Variants in ITIH3 observed in about 807,000 individuals in gnomAD.
ITIH3 encodes inter-alpha-trypsin inhibitor heavy chain 3, also known as inter-alpha-trypsin inhibitor heavy chain H3.
A neutral mutation model predicts 96.5 loss-of-function variants in ITIH3; 81 were observed. The ratio of observed to expected loss-of-function variants is 0.84; its 90% CI spans 0.70 to 1.01. ITIH3 has a LOEUF of 1.01. Among genes scored for constraint, ITIH3 ranks in the 50% least tolerant of loss-of-function variants. The probability of loss-of-function intolerance (pLI) is 0.00; values close to 1 mark genes in which losing one functional copy is unlikely to be tolerated. For missense variants in ITIH3, 1,057 were observed against 1,139.3 expected (o/e 0.93, Z 1.04); for synonymous variants, 422 against 445.2 (o/e 0.95, Z 0.66).
chr3:52,796,829 G>A lies in ITIH3; in HGVS notation c.372G>A (p.Thr124=), dbSNP rs768688890. 53 of 1,607,376 alleles carry A rather than the reference G, an allele frequency of 3.3e-5. No individual in the cohort carries two copies. The highest frequency in any genetic ancestry group is 2.0e-4 in the East Asian group (9 of 44,818). ...QYEKAVSQGK[T]AGLVKASGRK... Reference sequence around the variant, plus strand: ...AAAAGGCTGTGTCCCAGGGCAAGACGGCCGGCTTGGTCAAGTAAGTATGGA... The same window carrying A: ...AAAAGGCTGTGTCCCAGGGCAAGACAGCCGGCTTGGTCAAGTAAGTATGGA... Residue 124 remains threonine (T), a synonymous_variant, in exon 4 of 22, where the codon ACG becomes ACA. Coordinates refer to ENST00000449956, the MANE Select transcript of ITIH3 (RefSeq NM_002217.4).
chr3:52,801,408 T>C (rs1029737679), intron 11 of ITIH3, among the ~76,000 whole-genome samples: 2 of 152,276 alleles, frequency 1.3e-5, no homozygotes, highest in East Asian at 3.8e-4. Flanking sequence ...ATTTTTGTAG[T>C]GTAAGTATGC....
Position 52,807,777 on chromosome 3 carries a change from G to T in ITIH3, c.2292G>T (p.Met764Ile). Residue 764 changes from methionine (M) to isoleucine (I), a missense_variant, in exon 20 of 22, where the codon ATG (methionine) becomes ATT (isoleucine). Coordinates refer to ENST00000449956, the MANE Select transcript of ITIH3 (RefSeq NM_002217.4). ...CCATGATGATCAACAGGAAGAACAT[G>T]GTGGTCTCCTTTGGAGATGGGGTTA... The part of the protein sequence containing the change: ...GLSMMINRKN[M>I]VVSFGDGVTF... 1.2e-6 allele frequency: 2 copies of T among 1,612,202 alleles called. No homozygotes were observed. Among genetic ancestry groups the T allele is most frequent in the Non-Finnish European group, 1.7e-6 (2 of 1,179,234 alleles).
rs1185596254 is a variant in ITIH3 at position 52,800,654 on chromosome 3, G to A, written c.1192G>A (p.Ala398Thr). The A allele has an allele frequency of 1.1e-5, 17 of 1,598,146 alleles. No individual in the cohort carries two copies. The highest frequency in any genetic ancestry group is 1.7e-4 in the Middle Eastern group (1 of 6,014). Residue 398 changes from alanine to threonine, a missense_variant, in exon 10 of 22, where the codon GCC becomes ACC. Transcript: ENST00000449956. ...SIVIMLTDGD[A>T]NVGESRPEKI... ...TGTCATCATGCTGACTGATGGGGAT[G>A]CCAATGTTGGTGAGGAGCACGGGCA...
rs1428827464 is a variant in ITIH3, at chr3:52,800,366, G to T, written c.1076-172G>T. The T allele has an allele frequency of 4.4e-6, 3 of 683,244 alleles. No individual in the cohort carries two copies. The Admixed American group carries it at 9.1e-5, about 21-fold the overall frequency. The allele number at this position is 683,244 out of a possible 1,614,324, so 42.3% of individuals were successfully genotyped here. ...ATTTGAAAGTGGAAGTTGTTTGTTTGTTTGTTCATGTGGTGGTTCATTCAT... is the reference window on the plus strand; with the variant it reads ...ATTTGAAAGTGGAAGTTGTTTGTTTTTTTGTTCATGTGGTGGTTCATTCAT... On this transcript the variant is annotated intron_variant, in intron 9 of 21. Coordinates refer to ENST00000449956, the MANE Select transcript of ITIH3 (RefSeq NM_002217.4).
rs772228943 is a variant in ITIH3, at chr3:52,808,624, CGGA to C, written c.2618_2620del (p.Gly873del). The C allele has an allele frequency of 3.1e-6, 5 of 1,613,972 alleles. No homozygotes were observed. In the East Asian group the frequency reaches 1.1e-4, roughly 36 times the overall value. On this transcript the variant is annotated inframe_deletion, in exon 22 of 22. Transcript: ENST00000449956. ...TTGTCTGCTGGTTCGTCCACAACAA[CGGA>C]GAAGGGCTGATTGATGGTGTCCACA...
chr3:52,799,805 T>C lies in ITIH3; in HGVS notation c.959T>C (p.Leu320Pro). Residue 320 changes from leucine to proline, a missense_variant, in exon 9 of 22, where the codon CTG becomes CCG. By Grantham distance (98) the Leu-to-Pro change is moderately conservative (BLOSUM62 -3). Transcript: ENST00000449956. Reference sequence around the variant, plus strand: ...GAAGATATGCAAGAGGAAGACTATCTGAATTTCATCCTGTTCAGTGGAGAT... The same window carrying C: ...GAAGATATGCAAGAGGAAGACTATCCGAATTTCATCCTGTTCAGTGGAGAT... ...ILEDMQEEDY[L>P]NFILFSGDVS... The C allele has an allele frequency of 6.2e-7, 1 of 1,613,722 alleles. No homozygotes were observed. Among genetic ancestry groups the C allele is most frequent in the Non-Finnish European group, 8.5e-7 (1 of 1,179,700 alleles).
At chr3:52,807,174 T>C in intron 19 of ITIH3, 69 bp downstream of exon 19, 2 of 1,359,886 alleles carry the variant, frequency 1.5e-6, no homozygotes, top group South Asian at 2.6e-5. Context: ...TTGAGGGATT[T>C]AGAAAAATCC....
At chr3:52,802,889 T>A in intron 13 of ITIH3, 83 bp downstream of exon 13, 1 of 1,495,084 alleles carries the variant, frequency 6.7e-7, no homozygotes, top group Non-Finnish European at 9.1e-7. Flanking sequence ...GTCCCAGCGG[T>A]CCTGCCCTCT....
intron 13 of ITIH3, among the ~76,000 whole-genome samples, chr3:52,803,305 TA>T (rs1559472787): frequency 0.021 from 2,983 of 140,588 alleles, 120 homozygotes; most frequent in African/African-American, 0.08. Context: ...TTTATTTATT[TA>T]TTTTATTTTA....
Position 52,802,660 on chromosome 3 carries a change from AC to A in ITIH3, c.1570-4del. On this transcript the variant is annotated splice_region_variant and splice_polypyrimidine_tract_variant and intron_variant, in intron 12 of 21. Coordinates refer to ENST00000449956, the MANE Select transcript of ITIH3 (RefSeq NM_002217.4). ...CAGCCCCTTGCCTCCTTCTACCCCCACCCTAGGCCACCAACGACCTGACCTT... is the reference window on the plus strand; with the variant it reads ...CAGCCCCTTGCCTCCTTCTACCCCCACCTAGGCCACCAACGACCTGACCTT... 6.2e-7 allele frequency: 1 copy of A among 1,613,448 alleles called. No homozygotes were observed. The highest frequency in any genetic ancestry group is 8.5e-7 in the Non-Finnish European group (1 of 1,179,754).
chr3:52,799,542 A>AT (rs922863466), intron 8 of ITIH3, 54 bp downstream of exon 8: 5,542 of 1,083,638 alleles, frequency 5.1e-3, no homozygotes, highest in Non-Finnish European at 5.9e-3. Flanking sequence ...GGTGGAAGAG[A>AT]TTTTTTTTTT....
chr3:52,807,155 A>C, intron 19 of ITIH3, 50 bp downstream of exon 19: 1 of 1,474,664 alleles, frequency 6.8e-7, no homozygotes, highest in Non-Finnish European at 9.3e-7. Flanking sequence ...TGAGAGTCTA[A>C]GGAGGCTCTT....
intron 15 of ITIH3, 60 bp from the exon 16 acceptor site, chr3:52,805,748 A>AC: frequency 6.2e-7 from 1 of 1,609,326 alleles, no homozygotes; most frequent in South Asian, 1.1e-5. Context: ...GGAGGAAGGC[A>AC]CGGGGCTGGG....
In ITIH3 at chr3:52,798,954, T is replaced by G. The variant is rs751003931; in HGVS notation, c.664-12T>G. On this transcript the variant is annotated splice_polypyrimidine_tract_variant and intron_variant, in intron 6 of 21. Transcript: ENST00000449956. ...GCCGAGCTGAGCAAGGTCTTTCATC[T>G]CCATCCCTTAGGGCCATGTGTCCTT... 5.0e-6 allele frequency: 8 copies of G among 1,612,066 alleles called. No homozygotes were observed. The Admixed American group carries it at 1.2e-4, about 24-fold the overall frequency.
In ITIH3 at chr3:52,795,614, C is replaced by T. The variant is rs1699550928; in HGVS notation, c.105C>T (p.Leu35=). ...SPFRLLGKRS[L]PEGVANGIEV... ...TTTTGTTTTTTCAGAAACGGAGCCTCCCGGAAGGGGTAAGAACTTTCACCA... is the reference window on the plus strand; with the variant it reads ...TTTTGTTTTTTCAGAAACGGAGCCTTCCGGAAGGGGTAAGAACTTTCACCA... Residue 35 remains leucine, a synonymous_variant, in exon 2 of 22, where the codon CTC becomes CTT. Transcript: ENST00000449956. The T allele has an allele frequency of 1.2e-6, 2 of 1,612,426 alleles. No individual in the cohort carries two copies. The highest frequency in any genetic ancestry group is 4.5e-5 in the East Asian group (2 of 44,848).
At chr3:52,797,343 G>C (rs1699628583) in intron 5 of ITIH3, 76 bp downstream of exon 5, 3 of 1,464,416 alleles carry the variant, frequency 2.0e-6, no homozygotes, top group African/African-American at 1.4e-5. Context: ...GTCTCAGACA[G>C]GGGTCAAAAA....
rs766997024 is a variant in ITIH3 at position 52,808,601 on chromosome 3, G to T, written c.2593G>T (p.Val865Phe). ...GGATGCCAGCATCGGCACGAAGGTT[G>T]TCTGCTGGTTCGTCCACAACAACGG... ...RKDASIGTKVVCWFVHNNGEG... is the reference protein window; with the variant it reads ...RKDASIGTKVFCWFVHNNGEG... The change falls in exon 22 of 22, where the codon GTC becomes TTC. Residue 865 changes from valine to phenylalanine, a missense_variant. Val to Phe is a conservative substitution (Grantham distance 50). Transcript: ENST00000449956. 4 of 1,614,028 alleles carry T rather than the reference G, an allele frequency of 2.5e-6. No individual in the cohort carries two copies. In the South Asian group the frequency reaches 4.4e-5, roughly 18 times the overall value.
chr3:52,795,975 T>C, intron 2 of ITIH3: 1 of 300,714 alleles, frequency 3.3e-6, no homozygotes, highest in Non-Finnish European at 6.1e-6. Context: ...AACACCTCCC[T>C]AGAGCCTCTC....
chr3:52,796,143 AG>A (rs1239857420), intron 2 of ITIH3: 1 of 276,724 alleles, frequency 3.6e-6, no homozygotes, highest in Non-Finnish European at 6.8e-6. Flanking sequence ...GAGGATGAGC[AG>A]GAAGAGCCAG....
Sources: allele counts gnomAD v4.1 joint callset (sites outside exome capture counted in the v4.1 genomes callset), GRCh38; gene constraint gnomAD v4.1.1; transcripts MANE v1.5; gene names NCBI Gene and HGNC (gene_info 2026-07-23, HGNC 2026-07-21).